The following MTMR8 variants were observed in gnomAD, a reference collection of about 807,000 sequenced individuals.
The protein encoded by MTMR8 is phosphatidylinositol-3,5-bisphosphate 3-phosphatase MTMR8.
In MTMR8, 65 loss-of-function variants were observed where a neutral mutation model predicts 39.3. That is an observed-to-expected ratio of 1.65 (90% CI 1.35 to 2.03). MTMR8 has a LOEUF of 2.03. MTMR8 is among the 30% of genes most tolerant of loss of function. The pLI is 0.00. For synonymous variants in MTMR8, 245 were observed against 185.2 expected (o/e 1.32, Z -2.62); for missense variants, 777 against 538.9 (o/e 1.44, Z -4.37).
At chrX:64,314,634 G>A (rs139082031) in intron 12 of MTMR8, among the ~76,000 whole-genome samples, 2 of 112,914 alleles carry the variant, frequency 1.8e-5, no homozygotes, top group Non-Finnish European at 3.8e-5. Context: ...GTAGTGAACT[G>A]CTGCTGGCAG....
chrX:64,308,791 A>G (rs753413425), intron 12 of MTMR8, among the ~76,000 whole-genome samples: 2 of 111,480 alleles, frequency 1.8e-5, no homozygotes, highest in East Asian at 5.7e-4. Flanking sequence ...CTCTGTGTCT[A>G]GATTCAATTT....
At chrX:64,375,879 C>T (rs998612285) in intron 1 of MTMR8, among the ~76,000 whole-genome samples, 9 of 111,755 alleles carry the variant, frequency 8.1e-5, no homozygotes, top group African/African-American at 2.9e-4. Flanking sequence ...GGAGGACAGG[C>T]CTGGTGGGAG....
chrX:64,305,663 C>A, intron 12 of MTMR8: 1 of 534,481 alleles, frequency 1.9e-6, no homozygotes. Context: ...CTACTACCAT[C>A]TGTATTTGTT....
intron 12 of MTMR8, among the ~76,000 whole-genome samples, chrX:64,283,021 C>A (rs765110595): frequency 8.9e-6 from 1 of 111,880 alleles, no homozygotes; most frequent in Non-Finnish European, 1.9e-5. Flanking sequence ...TGAAACAGGG[C>A]GAGGCATCGC....
intron 2 of MTMR8, among the ~76,000 whole-genome samples, chrX:64,356,690 A>AT (rs774102945): frequency 5.4e-5 from 6 of 111,005 alleles, no homozygotes; most frequent in Admixed American, 9.6e-5. Flanking sequence ...GAAAACAGGA[A>AT]TTTTTTTTCT....
chrX:64,324,291 G>A (rs1444294558), intron 12 of MTMR8, among the ~76,000 whole-genome samples: 1 of 112,016 alleles, frequency 8.9e-6, no homozygotes, highest in Non-Finnish European at 1.9e-5. Flanking sequence ...GAGCTCAGGA[G>A]TTTGAGGCTA....
At chrX:64,334,214 C>T (rs2147222586) in intron 10 of MTMR8, among the ~76,000 whole-genome samples, 1 of 110,520 alleles carries the variant, frequency 9.0e-6, no homozygotes, top group East Asian at 2.9e-4. Flanking sequence ...AAATAAGTCC[C>T]AAACTGAAGC....
rs766021929 is a variant in MTMR8 at position 64,336,078 on chromosome X, C to T, written c.1151+1G>A. ...TTCCTTCAAAATGAGTATATTTTTACCTTTGGGAAAACTTGTGGCCCATGG... is the reference window on the plus strand; with the variant it reads ...TTCCTTCAAAATGAGTATATTTTTATCTTTGGGAAAACTTGTGGCCCATGG... On this transcript the variant is annotated splice_donor_variant, in intron 10 of 13. Coordinates refer to ENST00000374852, the MANE Select transcript of MTMR8 (RefSeq NM_017677.4). LOFTEE classifies it high-confidence loss of function. 1 of 1,189,170 alleles carries T rather than the reference C, an allele frequency of 8.4e-7. No homozygotes were observed. Among genetic ancestry groups the T allele is most frequent in the Non-Finnish European group, 1.1e-6 (1 of 880,764 alleles).
chrX:64,340,535 T>C (rs1284588676), intron 8 of MTMR8, among the ~76,000 whole-genome samples: 1 of 111,725 alleles, frequency 9.0e-6, no homozygotes, highest in Non-Finnish European at 1.9e-5. Flanking sequence ...GGCCATGTGG[T>C]TCATATGATG....
At chrX:64,317,111 CAAAAAAAA>C (rs1203927676) in intron 12 of MTMR8, among the ~76,000 whole-genome samples, 1 of 46,111 alleles carries the variant, frequency 2.2e-5, no homozygotes, top group African/African-American at 6.2e-5. Context: ...GACTGTGTCT[CAAAAAAAA>C]AAAAAAAAAA....
chrX:64,274,114 G>T (rs1027827696), intron 12 of MTMR8, among the ~76,000 whole-genome samples: 6 of 111,358 alleles, frequency 5.4e-5, no homozygotes, highest in African/African-American at 2.0e-4. Flanking sequence ...GGACCTAACA[G>T]ATATACAGAA....
intron 12 of MTMR8, among the ~76,000 whole-genome samples, chrX:64,294,980 G>T (rs888331199): frequency 2.0e-4 from 22 of 111,148 alleles, no homozygotes; most frequent in African/African-American, 5.2e-4. Flanking sequence ...ACTCAGAAGG[G>T]TGAAGTATTC....
At chrX:64,303,577 A>T (rs1921977002) in intron 12 of MTMR8, among the ~76,000 whole-genome samples, 1 of 112,434 alleles carries the variant, frequency 8.9e-6, no homozygotes, top group African/African-American at 3.2e-5. Flanking sequence ...AGGGGAAGGC[A>T]CATGATTTCC....
At chrX:64,281,348 C>T (rs1218645981) in intron 12 of MTMR8, among the ~76,000 whole-genome samples, 1 of 111,585 alleles carries the variant, frequency 9.0e-6, no homozygotes, top group Non-Finnish European at 1.9e-5. Flanking sequence ...GGTCCCAAAA[C>T]AGACATATAG....
chrX:64,363,633 C>A (rs953549852), intron 1 of MTMR8, among the ~76,000 whole-genome samples: 1 of 111,562 alleles, frequency 9.0e-6, no homozygotes, highest in African/African-American at 3.3e-5. Context: ...CTAATATGGC[C>A]GAATAGGAAC....
chrX:64,386,880 CA>C (rs374192816), intron 1 of MTMR8, among the ~76,000 whole-genome samples: 217 of 95,501 alleles, frequency 2.3e-3, no homozygotes, highest in Middle Eastern at 5.3e-3. Context: ...CTCATATCTA[CA>C]AAAAAAAAAA....
intron 12 of MTMR8, among the ~76,000 whole-genome samples, chrX:64,325,299 T>A (rs868257780): frequency 1.8e-5 from 2 of 112,177 alleles, no homozygotes; most frequent in African/African-American, 6.5e-5. Flanking sequence ...TCTAAACTCA[T>A]TTTATAAGGA....
chrX:64,377,786 C>T lies in MTMR8; in HGVS notation c.24+17554G>A, dbSNP rs187223126. 8.7e-3 allele frequency among the ~76,000 whole-genome samples: 970 copies of T among 111,743 alleles called. 3 individuals are homozygous for T. The highest frequency in any genetic ancestry group is 0.015 in the Non-Finnish European group (780 of 53,068). ...TGTGAGAAGGACATAAGATTTGGGA[C>T]GGGCCAGGGTGGAATGATATGGTCT... On this transcript the variant is annotated intron_variant, in intron 1 of 13. Transcript: ENST00000374852.
Position 64,268,136 on chromosome X carries a change from C to T in MTMR8, c.*401G>A, listed in dbSNP as rs1222971686. The T allele has an allele frequency of 6.9e-6, 1 of 145,697 alleles. No homozygotes were observed. Among genetic ancestry groups the T allele is most frequent in the Non-Finnish European group, 1.3e-5 (1 of 75,418 alleles). The allele number at this position is 145,697 out of a possible 1,213,427, so 12.0% of individuals were successfully genotyped here. Reference sequence around the variant, plus strand: ...CACAGTTACCTGCTGTATACCATCTCTCCATACCCTCAAAAGGGTCATTAT... The same window carrying T: ...CACAGTTACCTGCTGTATACCATCTTTCCATACCCTCAAAAGGGTCATTAT... On this transcript the variant is annotated 3_prime_UTR_variant, in exon 14 of 14. Coordinates refer to ENST00000374852, the MANE Select transcript of MTMR8 (RefSeq NM_017677.4).
Sources: gnomAD v4.1 joint callset for allele counts (sites outside exome capture counted in the v4.1 genomes callset) on GRCh38, gnomAD v4.1.1 for gene constraint, MANE v1.5 for transcripts, NCBI Gene and HGNC (gene_info 2026-07-23, HGNC 2026-07-21) for gene names.